Variants in CCDC171 observed in about 807,000 individuals in gnomAD.
The protein encoded by CCDC171 is coiled-coil domain containing 171.
Under a neutral mutation model 168.2 loss-of-function variants are expected in CCDC171, and 177 were observed. The ratio of observed to expected loss-of-function variants is 1.05; its 90% CI spans 0.93 to 1.19. CCDC171 has a LOEUF of 1.19. Ranked by LOEUF, CCDC171 falls within the 50% of genes most tolerant of loss-of-function variation. The pLI is 0.00. For synonymous variants in CCDC171, 687 were observed against 540.8 expected, an observed-to-expected ratio of 1.27 and a Z score of -3.75; for missense variants, 1,991 against 1,539.0, an observed-to-expected ratio of 1.29 and a Z score of -4.91.
At chr9:15,666,380 A>T in intron 9 of CCDC171, 57 bp downstream of exon 9, 2 of 1,245,960 alleles carry the variant, frequency 1.6e-6, no homozygotes, top group South Asian at 2.8e-5. Flanking sequence ...AAAGAGCTAT[A>T]TAAAATATGA....
chr9:15,810,598 C>T (rs978482827), intron 21 of CCDC171, among the ~76,000 whole-genome samples: 1 of 152,176 alleles, frequency 6.6e-6, no homozygotes, highest in Non-Finnish European at 1.5e-5. Flanking sequence ...TGCGGGCGGG[C>T]CGGCAGTGCT....
chr9:16,039,980 A>T (rs1293476595), upstream of CCDC171, among the ~76,000 whole-genome samples: 8 of 152,172 alleles, frequency 5.3e-5, no homozygotes, highest in African/African-American at 9.7e-5. Flanking sequence ...ATTTCTAATC[A>T]TCGCCTACTC....
At chr9:15,702,667 C>T (rs2051852643) in intron 11 of CCDC171, among the ~76,000 whole-genome samples, 1 of 152,154 alleles carries the variant, frequency 6.6e-6, no homozygotes, top group African/African-American at 2.4e-5. Context: ...GTTTAGTCTT[C>T]ACTGAAAATC....
chr9:16,078,055 AACACACACACACACACACACACAC>A, the CCDC171 span, among the ~76,000 whole-genome samples: 7 of 143,800 alleles, frequency 4.9e-5, no homozygotes, highest in African/African-American at 7.4e-5. Flanking sequence ...CACCCATGCA[AACACACACACACACACACACACAC>A]ACACACACAC....
rs533120135 is a variant in CCDC171 at position 15,642,073 on chromosome 9, A to C, written c.823-15054A>C. On this transcript the variant is annotated intron_variant, in intron 7 of 25. Transcript: ENST00000380701. Reference sequence around the variant, plus strand: ...CAGCTACTCAGGAGGCTGAGGCAGGACAATTGCTTGAAACCAGGAGGTGGT... The same window carrying C: ...CAGCTACTCAGGAGGCTGAGGCAGGCCAATTGCTTGAAACCAGGAGGTGGT... 2.3e-3 allele frequency among the ~76,000 whole-genome samples: 355 copies of C among 152,120 alleles called. 2 individuals carry two copies. Among genetic ancestry groups the C allele is most frequent in the African/African-American group, 8.0e-3 (332 of 41,484 alleles).
intron 7 of CCDC171, among the ~76,000 whole-genome samples, chr9:15,654,637 G>T (rs1182775735): frequency 2.6e-5 from 4 of 152,164 alleles, no homozygotes; most frequent in Non-Finnish European, 5.9e-5. Context: ...GATTAATCAA[G>T]TTGAACATTA....
At chr9:15,580,287 T>C (rs150304208) in intron 4 of CCDC171, among the ~76,000 whole-genome samples, 85 of 152,248 alleles carry the variant, frequency 5.6e-4, no homozygotes, top group South Asian at 4.6e-3. Flanking sequence ...GGAAAAACTA[T>C]TCTAGACATT....
At chr9:15,807,060 CCT>C (rs1563772813) in intron 21 of CCDC171, among the ~76,000 whole-genome samples, 1 of 152,070 alleles carries the variant, frequency 6.6e-6, no homozygotes, top group African/African-American at 2.4e-5. Flanking sequence ...GTGTTTTTCC[CCT>C]CTGTCAGATC....
intron 7 of CCDC171, among the ~76,000 whole-genome samples, chr9:15,633,552 AG>A (rs1216777689): frequency 6.6e-6 from 1 of 152,186 alleles, no homozygotes; most frequent in African/African-American, 2.4e-5. Flanking sequence ...GTGGAGAAAT[AG>A]GAACACTTTT....
chr9:15,739,481 G>A (rs1013701036), intron 16 of CCDC171, among the ~76,000 whole-genome samples: 2 of 152,106 alleles, frequency 1.3e-5, no homozygotes, highest in African/African-American at 4.8e-5. Flanking sequence ...AGCTGAAGGA[G>A]TGTGGGCAAA....
chr9:16,085,340 G>C, the CCDC171 span, among the ~76,000 whole-genome samples: 18 of 152,212 alleles, frequency 1.2e-4, no homozygotes, highest in Non-Finnish European at 2.2e-4. Flanking sequence ...TGGGAGCTAG[G>C]GTAGGGGGAA....
chr9:16,044,209 A>T (rs1316056270), intron 1 of CCDC171, among the ~76,000 whole-genome samples: 1 of 152,220 alleles, frequency 6.6e-6, no homozygotes, highest in Non-Finnish European at 1.5e-5. Context: ...GGGATCAAGC[A>T]ACTTTCATTG....
intron 24 of CCDC171, among the ~76,000 whole-genome samples, chr9:15,881,520 T>C (rs1331550625): frequency 6.6e-6 from 1 of 152,204 alleles, no homozygotes; most frequent in Non-Finnish European, 1.5e-5. Context: ...AAATACAAAA[T>C]AGATTATTGT....
intron 3 of CCDC171, among the ~76,000 whole-genome samples, chr9:15,996,472 A>G (rs776002392): frequency 1.6e-4 from 17 of 107,074 alleles, no homozygotes; most frequent in Non-Finnish European, 2.8e-4. Context: ...TAAACTGTGT[A>G]TTGTGCACCT....
Position 15,777,588 on chromosome 9 carries a change from T to A in CCDC171, c.2672-12T>A, listed in dbSNP as rs780713142. Reference sequence around the variant, plus strand: ...TTCACATTTTTGTGCCTTTTTTTCTTTTTCTTTGAAGATCCAAATTCCAGA... The same window carrying A: ...TTCACATTTTTGTGCCTTTTTTTCTATTTCTTTGAAGATCCAAATTCCAGA... On this transcript the variant is annotated splice_polypyrimidine_tract_variant and intron_variant, in intron 18 of 25. Coordinates refer to ENST00000380701, the MANE Select transcript of CCDC171 (RefSeq NM_173550.4). 12 of 1,582,298 alleles carry A rather than the reference T, an allele frequency of 7.6e-6. No homozygotes were observed. In the East Asian group the frequency reaches 2.7e-4, roughly 35 times the overall value.
rs2038553161 is a variant in CCDC171 at position 15,553,884 on chromosome 9, A to C, written c.-112+582A>C. ...TTGATCCTAAGAAAATACATATTTC[A>C]TGTATACATTTTAGGTAAATGAGAT... On this transcript the variant is annotated intron_variant, in intron 1 of 25. Transcript: ENST00000380701. Among the ~76,000 whole-genome samples the C allele has an allele frequency of 2.0e-5, 3 of 151,264 alleles. 1 individual carries two copies. Among genetic ancestry groups the C allele is most frequent in the Admixed American group, 6.6e-5 (1 of 15,228 alleles).
chr9:15,913,624 C>A (rs1003163661), intron 24 of CCDC171, among the ~76,000 whole-genome samples: 1 of 152,052 alleles, frequency 6.6e-6, no homozygotes, highest in Non-Finnish European at 1.5e-5. Context: ...TTATTACCTA[C>A]CTTCTGAAGC....
chr9:15,926,272 C>T (rs1353924188), intron 25 of CCDC171, among the ~76,000 whole-genome samples: 1 of 151,552 alleles, frequency 6.6e-6, no homozygotes, highest in Non-Finnish European at 1.5e-5. Flanking sequence ...ATGAAATTAT[C>T]ATTTTGTATA....
chr9:15,660,328 CT>C (rs2048219941), intron 8 of CCDC171, among the ~76,000 whole-genome samples: 1 of 152,034 alleles, frequency 6.6e-6, no homozygotes. Context: ...ATGATTTCAG[CT>C]TTTATTTAGA....
Sources: allele counts gnomAD v4.1 joint callset (sites outside exome capture counted in the v4.1 genomes callset), GRCh38; gene constraint gnomAD v4.1.1; transcripts MANE v1.5; gene names NCBI Gene and HGNC (gene_info 2026-07-23, HGNC 2026-07-21).